ORC3: variants seen among roughly 807,000 people sequenced by gnomAD.
ORC3 encodes the protein origin recognition complex subunit 3, also known as homolog of latheo, Drosophila.
ORC3 carries 78 observed loss-of-function variants against 100.7 expected under a neutral mutation model. The observed-to-expected ratio is 0.77, with a 90% CI of 0.65 to 0.94. The LOEUF (loss-of-function observed/expected upper bound fraction) is 0.94, where lower values mean the gene tolerates loss of function less well. Among genes scored for constraint, ORC3 ranks in the 40% least tolerant of loss-of-function variants. The pLI is 0.00. For synonymous variants in ORC3, 295 were observed against 289.3 expected (o/e 1.02, Z -0.20); for missense variants, 789 against 823.9 (o/e 0.96, Z 0.52).
chr6:87,598,564 T>C (rs1777636189), intron 2 of ORC3, among the ~76,000 whole-genome samples: 1 of 152,220 alleles, frequency 6.6e-6, no homozygotes, highest in Non-Finnish European at 1.5e-5. Flanking sequence ...GAATTTAAGC[T>C]ACAACTTATT....
At chr6:87,593,649 T>G (rs1167950886) in intron 1 of ORC3, among the ~76,000 whole-genome samples, 1 of 152,250 alleles carries the variant, frequency 6.6e-6, no homozygotes, top group Non-Finnish European at 1.5e-5. Context: ...TAAATAAGTT[T>G]CGGGTTGGGA....
intron 11 of ORC3, among the ~76,000 whole-genome samples, chr6:87,627,040 C>T (rs1779953735): frequency 6.6e-6 from 1 of 151,008 alleles, no homozygotes; most frequent in Non-Finnish European, 1.5e-5. Context: ...TCTTGTTGCC[C>T]AGGGTGGAGT....
At chr6:87,655,006 G>T (rs1317030099) in intron 14 of ORC3, among the ~76,000 whole-genome samples, 1 of 152,098 alleles carries the variant, frequency 6.6e-6, no homozygotes, top group African/African-American at 2.4e-5. Context: ...TTGAAGAAAT[G>T]TCTGTTATTT....
the ORC3 span, among the ~76,000 whole-genome samples, chr6:87,674,620 G>A: frequency 2.1e-5 from 3 of 140,902 alleles, no homozygotes; most frequent in Non-Finnish European, 4.5e-5. Context: ...ACAGAAGAAG[G>A]AATTTATATA....
chr6:87,639,429 C>A (rs551476563), intron 13 of ORC3, among the ~76,000 whole-genome samples: 2 of 152,154 alleles, frequency 1.3e-5, no homozygotes, highest in Admixed American at 1.3e-4. Flanking sequence ...AACTCTCTTG[C>A]GTGTTAGAGA....
Position 87,609,193 on chromosome 6 carries a change from C to A in ORC3, c.677C>A (p.Ala226Asp). Residue 226 changes from alanine to aspartate, a missense_variant, in exon 7 of 20, where the codon GCC becomes GAC. Physicochemically the swap from Ala to Asp is moderately radical, Grantham distance 126. Around this residue, in one of 3 missense-constraint regions of ORC3, gnomAD observed 399 missense variants for 382.0 expected, o/e 1.04. Transcript: ENST00000392844. ...ATCTTGAAGGATATGGAAAGCTTTG[C>A]CACAAAAGTACTACAAGACTTCATA... Reference protein sequence around the residue: ...VVILKDMESFATKVLQDFIII... With the variant: ...VVILKDMESFDTKVLQDFIII... 1 of 1,609,772 alleles carries A rather than the reference C, an allele frequency of 6.2e-7. No individual in the cohort carries two copies. Among genetic ancestry groups the A allele is most frequent in the African/African-American group, 1.3e-5 (1 of 74,866 alleles).
At chr6:87,605,854 G>A in intron 4 of ORC3, 63 bp from the exon 5 acceptor site, 1 of 881,214 alleles carries the variant, frequency 1.1e-6, no homozygotes, top group South Asian at 1.5e-5. Context: ...ATGTTAAATA[G>A]CTTTTGTCAT....
chr6:87,602,567 C>T (rs1777987493), intron 3 of ORC3, among the ~76,000 whole-genome samples: 1 of 151,958 alleles, frequency 6.6e-6, no homozygotes, highest in South Asian at 2.1e-4. Flanking sequence ...CCTACCAGTC[C>T]TTACTGATTT....
chr6:87,656,462 C>T (rs749980881), intron 14 of ORC3, among the ~76,000 whole-genome samples: 32 of 152,076 alleles, frequency 2.1e-4, no homozygotes, highest in Non-Finnish European at 4.0e-4. Flanking sequence ...GTGGCCGGCA[C>T]CTGTAATCCC....
chr6:87,676,447 C>CAAAAAAA, the ORC3 span, among the ~76,000 whole-genome samples: 1 of 41,916 alleles, frequency 2.4e-5, no homozygotes, highest in Non-Finnish European at 4.3e-5. Context: ...GCCTGGGCAA[C>CAAAAAAA]AAAAAAAAAA....
chr6:87,650,377 A>C (rs1769166877), intron 13 of ORC3, among the ~76,000 whole-genome samples: 2 of 152,034 alleles, frequency 1.3e-5, no homozygotes, highest in Admixed American at 1.3e-4. Flanking sequence ...TTTTATTTGC[A>C]GTTCTTAGAT....
intron 3 of ORC3, 69 bp downstream of exon 3, chr6:87,601,950 T>C: frequency 1.1e-6 from 1 of 881,556 alleles, no homozygotes; most frequent in Non-Finnish European, 1.9e-6. Flanking sequence ...CATCTTCCTT[T>C]CCACCAGTTT....
intron 2 of ORC3, among the ~76,000 whole-genome samples, chr6:87,595,907 C>T (rs1777397262): frequency 3.3e-5 from 5 of 152,176 alleles, no homozygotes; most frequent in Admixed American, 2.6e-4. Flanking sequence ...GATCATAGCT[C>T]ACTTCAGCCT....
At chr6:87,640,814 A>G (rs1191595430) in intron 13 of ORC3, among the ~76,000 whole-genome samples, 1 of 152,182 alleles carries the variant, frequency 6.6e-6, no homozygotes, top group African/African-American at 2.4e-5. Flanking sequence ...TGTAAATCAG[A>G]GGCAGCTGGG....
chr6:87,664,906 A>G (rs546973148), intron 18 of ORC3, 47 bp downstream of exon 18: 4 of 1,140,996 alleles, frequency 3.5e-6, no homozygotes, highest in Non-Finnish European at 5.2e-6. Context: ...CTAACCATCC[A>G]TGATGACTTT....
At chr6:87,670,794 G>C (rs560802215), downstream of ORC3, among the ~76,000 whole-genome samples, 2 of 152,188 alleles carry the variant, frequency 1.3e-5, no homozygotes, top group Admixed American at 1.3e-4. Flanking sequence ...CCTTCACTGC[G>C]TTTAGCACAG....
chr6:87,634,949 A>G lies in ORC3; in HGVS notation c.1290A>G (p.Pro430=). 1 of 1,522,720 alleles carries G rather than the reference A, an allele frequency of 6.6e-7. No homozygotes were observed. The highest frequency in any genetic ancestry group is 9.1e-7 in the Non-Finnish European group (1 of 1,096,690). 94.3% of individuals were successfully genotyped at this position (1,522,720 alleles called of 1,614,324 possible). A position where few individuals can be genotyped will look rare whatever the true frequency, so the allele number is the denominator to read the frequency against. The change falls in exon 12 of 20, where the codon CCA becomes CCG. Residue 430 remains proline, a synonymous_variant. Transcript: ENST00000392844. ...HKFTSSLPKY[P]LGRQIRELYC... The stretch of plus-strand genomic sequence containing the variant: ...TCACCTCTTCTCTTCCCAAGTATCC[A>G]CTAGGTCGACAGGTAATCCAAGCCT...
the ORC3 span, among the ~76,000 whole-genome samples, chr6:87,676,467 A>C: frequency 6.9e-6 from 1 of 144,952 alleles, no homozygotes. Context: ...AAAAAAAAAA[A>C]AAAACGAGGC....
chr6:87,674,815 C>T, the ORC3 span, among the ~76,000 whole-genome samples: 4 of 151,506 alleles, frequency 2.6e-5, no homozygotes, highest in African/African-American at 9.7e-5. Context: ...TTTGAAACAG[C>T]ACTCAAATCT....
Sources: gnomAD v4.1 joint callset for allele counts (sites outside exome capture counted in the v4.1 genomes callset) on GRCh38, gnomAD v4.1.1 for gene constraint, gnomAD v4.1.1 regional missense constraint, MANE v1.5 for transcripts, NCBI Gene and HGNC (gene_info 2026-07-23, HGNC 2026-07-21) for gene names.